Variants in ITSN1 observed in about 807,000 individuals in gnomAD.
ITSN1 encodes the protein intersectin-1.
ITSN1 carries 58 observed loss-of-function variants against 239.8 expected under a neutral mutation model. The ratio of observed to expected loss-of-function variants is 0.24; its 90% CI spans 0.20 to 0.30. The LOEUF is 0.30. Among genes scored for constraint, ITSN1 ranks in the 10% least tolerant of loss-of-function variants. The pLI is 1.00. For synonymous variants in ITSN1, 780 were observed against 770.8 expected (o/e 1.01, Z -0.20); for missense variants, 1,558 against 2,103.3 (o/e 0.74, Z 5.07).
At chr21:33,827,776 C>T (rs147865033) in intron 26 of ITSN1, among the ~76,000 whole-genome samples, 6 of 152,334 alleles carry the variant, frequency 3.9e-5, no homozygotes, top group African/African-American at 9.6e-5. Context: ...TTCTGTGGCA[C>T]GTCTTCCTGG....
intron 8 of ITSN1, among the ~76,000 whole-genome samples, chr21:33,757,548 T>A (rs928061464): frequency 6.6e-6 from 1 of 152,000 alleles, no homozygotes; most frequent in Admixed American, 6.6e-5. Context: ...AGAAATTTAA[T>A]TTTTTTTCCC....
chr21:33,878,130 G>A (rs1411836719), intron 34 of ITSN1, among the ~76,000 whole-genome samples: 3 of 151,672 alleles, frequency 2.0e-5, no homozygotes, highest in East Asian at 1.9e-4. Flanking sequence ...CAACCTCCTC[G>A]AGTGATTCTC....
chr21:33,856,303 TAAAAC>T (rs532067931), intron 29 of ITSN1, among the ~76,000 whole-genome samples: 6 of 152,140 alleles, frequency 3.9e-5, no homozygotes, highest in African/African-American at 7.2e-5. Flanking sequence ...CGGGGGGACT[TAAAAC>T]AATAAGAATT....
chr21:33,697,234 A>ATTTTTTTTT (rs11419453), intron 1 of ITSN1, among the ~76,000 whole-genome samples: 3 of 121,706 alleles, frequency 2.5e-5, no homozygotes, highest in East Asian at 2.4e-4. Flanking sequence ...CACCTGGCTA[A>ATTTTTTTTT]TTTTTTTTTT....
chr21:33,696,972 C>G (rs943090403), intron 1 of ITSN1, among the ~76,000 whole-genome samples: 5 of 152,042 alleles, frequency 3.3e-5, no homozygotes, highest in African/African-American at 4.8e-5. Flanking sequence ...GATTTCAGTT[C>G]TTATGCTACA....
At chr21:33,779,648 G>A (rs138758976) in intron 14 of ITSN1, among the ~76,000 whole-genome samples, 1 of 152,064 alleles carries the variant, frequency 6.6e-6, no homozygotes. Context: ...CTGAAATCCT[G>A]ATCATTGTGG....
chr21:33,651,944 T>G, intron 1 of ITSN1, among the ~76,000 whole-genome samples: 1 of 152,242 alleles, frequency 6.6e-6, no homozygotes, highest in African/African-American at 2.4e-5. Flanking sequence ...ATATTACAGT[T>G]GTGATTTGGT....
intron 9 of ITSN1, among the ~76,000 whole-genome samples, chr21:33,762,939 C>T (rs895112170): frequency 6.6e-5 from 10 of 152,046 alleles, no homozygotes; most frequent in African/African-American, 1.9e-4. Context: ...GCTGAGATTC[C>T]GGGGGTGAGC....
At chr21:33,724,530 CCTT>C (rs1601849201) in intron 4 of ITSN1, among the ~76,000 whole-genome samples, 2 of 152,314 alleles carry the variant, frequency 1.3e-5, no homozygotes, top group East Asian at 3.9e-4. Context: ...CTCGCTGGAA[CCTT>C]CTTCCGCAGA....
intron 5 of ITSN1, among the ~76,000 whole-genome samples, chr21:33,745,521 A>G (rs1284363608): frequency 6.6e-6 from 1 of 152,204 alleles, no homozygotes; most frequent in Non-Finnish European, 1.5e-5. Context: ...ATGCCTGAAA[A>G]GCTGCTGAGC....
chr21:33,867,730 G>A (rs1467076031), intron 33 of ITSN1, among the ~76,000 whole-genome samples: 2 of 152,012 alleles, frequency 1.3e-5, no homozygotes, highest in African/African-American at 2.4e-5. Flanking sequence ...GCAGACCCTC[G>A]CGGTGAGTGT....
intron 19 of ITSN1, 90 bp downstream of exon 19, chr21:33,800,019 C>A: frequency 7.5e-7 from 1 of 1,335,802 alleles, no homozygotes. Context: ...GTGAGATTGT[C>A]AGTGAGTATG....
At chr21:33,658,996 G>T in intron 1 of ITSN1, among the ~76,000 whole-genome samples, 1 of 152,216 alleles carries the variant, frequency 6.6e-6, no homozygotes, top group East Asian at 1.9e-4. Context: ...TCAGAATTGG[G>T]GGTGGTCCGG....
chr21:33,788,017 A>C (rs998757634), intron 16 of ITSN1, among the ~76,000 whole-genome samples: 1 of 152,182 alleles, frequency 6.6e-6, no homozygotes, highest in Non-Finnish European at 1.5e-5. Context: ...GGTTGTAAAA[A>C]TTTAATAAAA....
intron 16 of ITSN1, among the ~76,000 whole-genome samples, chr21:33,784,597 G>T (rs951493491): frequency 1.3e-5 from 2 of 152,350 alleles, no homozygotes; most frequent in Middle Eastern, 3.4e-3. Context: ...TAGTGAATAT[G>T]TTGTGTTATG....
chr21:33,868,061 G>A (rs559931540), intron 33 of ITSN1, among the ~76,000 whole-genome samples: 2 of 152,356 alleles, frequency 1.3e-5, no homozygotes, highest in South Asian at 2.1e-4. Flanking sequence ...GGTGTGGAAA[G>A]GGACCGAGCC....
intron 28 of ITSN1, among the ~76,000 whole-genome samples, chr21:33,835,902 G>C (rs1211232637): frequency 1.3e-5 from 2 of 152,230 alleles, no homozygotes; most frequent in Non-Finnish European, 2.9e-5. Flanking sequence ...CTGCACTCCA[G>C]CGTGGGCAAC....
At chr21:33,801,877 G>A (rs1338612295) in intron 19 of ITSN1, among the ~76,000 whole-genome samples, 1 of 152,202 alleles carries the variant, frequency 6.6e-6, no homozygotes, top group African/African-American at 2.4e-5. Flanking sequence ...GTGTGTTTCT[G>A]TCAGCTTTCC....
chr21:33,704,940 AAAAAAAAT>A (rs1230547229), intron 1 of ITSN1, among the ~76,000 whole-genome samples: 1 of 147,438 alleles, frequency 6.8e-6, no homozygotes, highest in Non-Finnish European at 1.5e-5. Context: ...AAAAAAAAAA[AAAAAAAAT>A]ACAAACAAAA....
Sources: gnomAD v4.1 joint callset for allele counts (sites outside exome capture counted in the v4.1 genomes callset) on GRCh38, gnomAD v4.1.1 for gene constraint, MANE v1.5 for transcripts, NCBI Gene and HGNC (gene_info 2026-07-23, HGNC 2026-07-21) for gene names.